Variants in SP3 observed in about 807,000 individuals in gnomAD.
SP3 encodes Sp3 transcription factor.
SP3 carries 10 observed loss-of-function variants against 70.3 expected under a neutral mutation model. That is an observed-to-expected ratio of 0.14 (90% CI 0.09 to 0.24). The LOEUF (loss-of-function observed/expected upper bound fraction) is 0.24. SP3 is among the 10% of genes least tolerant of loss of function. SP3 has a pLI of 1.00. For synonymous variants in SP3, 402 were observed against 333.5 expected, an observed-to-expected ratio of 1.21 and a Z score of -2.24; for missense variants, 825 against 914.6, an observed-to-expected ratio of 0.90 and a Z score of 1.26.
In SP3 at chr2:173,909,982, AAGGTAT is replaced by A. The variant is rs1390515187; in HGVS notation, c.2299_2304del (p.Ile767_Pro768del). ...TTTCCAGAAACTGTGACAAGCTGTA[AAGGTAT>A]TTCAGTGTTGGTAAGGATATCTTGA... On this transcript the variant is annotated inframe_deletion, in exon 7 of 7. Transcript: ENST00000310015. The A allele has an allele frequency of 1.2e-6, 2 of 1,613,946 alleles. No individual in the cohort carries two copies. Among genetic ancestry groups the A allele is most frequent in the Admixed American group, 3.3e-5 (2 of 60,018 alleles).
At position 173,904,496 on chromosome 2, in the gene SP3, T is replaced by C. The variant is rs927954478; in HGVS notation, c.*5445A>G. Among the ~76,000 whole-genome samples the C allele has an allele frequency of 1.3e-5, 2 of 152,178 alleles. No homozygotes were observed. The highest frequency in any genetic ancestry group is 2.9e-5 in the Non-Finnish European group (2 of 68,024). ...GGAGGATGAAATGCAGATAGTGAAA[T>C]GCAAGACACTGGAACAAACACTGCC... On this transcript the variant is annotated 3_prime_UTR_variant, in exon 7 of 7. Transcript: ENST00000310015.
intron 4 of SP3, among the ~76,000 whole-genome samples, chr2:173,930,814 AATAAT>A (rs1182532970): frequency 3.9e-5 from 6 of 152,238 alleles, no homozygotes; most frequent in Admixed American, 3.9e-4. Flanking sequence ...GATAGGCTGT[AATAAT>A]ATAGGTGCTG....
intron 4 of SP3, among the ~76,000 whole-genome samples, chr2:173,942,325 G>A (rs886859707): frequency 2.6e-5 from 4 of 152,186 alleles, no homozygotes; most frequent in Admixed American, 6.5e-5. Flanking sequence ...CAGCACTTTG[G>A]GAGGCCGAGG....
At chr2:173,954,144 C>A (rs1690803950) in intron 4 of SP3, among the ~76,000 whole-genome samples, 1 of 152,164 alleles carries the variant, frequency 6.6e-6, no homozygotes, top group Non-Finnish European at 1.5e-5. Flanking sequence ...ACAAAACATT[C>A]AATCAAATGT....
At position 173,909,703 on chromosome 2, in the gene SP3, G is replaced by A. The variant is rs182692056; in HGVS notation, c.*238C>T. On this transcript the variant is annotated 3_prime_UTR_variant, in exon 7 of 7. Coordinates refer to ENST00000310015, the MANE Select transcript of SP3 (RefSeq NM_003111.5). The stretch of plus-strand genomic sequence containing the variant: ...ATTCAATTTTCTCTTTATATAACTT[G>A]GTAAAATTTCATTTCTTCTAGATTC... The A allele has an allele frequency of 5.5e-6, 2 of 361,860 alleles. No homozygotes were observed. Among genetic ancestry groups the A allele is most frequent in the Admixed American group, 4.4e-5 (1 of 22,842 alleles). The allele number at this position is 361,860 out of a possible 1,614,324, so 22.4% of individuals were successfully genotyped here.
At position 173,913,221 on chromosome 2, in the gene SP3, T is replaced by C. The variant is rs1037217914; in HGVS notation, c.1878A>G (p.Pro626=). ...TCTTCCCATAGACTTTACCACATCC[T>C]GGTATATGACAAATGTGTTGCTTCT... ...GKKKQHICHI[P]GCGKVYGKTS... Residue 626 remains proline, a synonymous_variant, in exon 6 of 7, where the codon CCA becomes CCG. Coordinates refer to ENST00000310015, the MANE Select transcript of SP3 (RefSeq NM_003111.5). 6.2e-7 allele frequency: 1 copy of C among 1,609,174 alleles called. No homozygotes were observed. The highest frequency in any genetic ancestry group is 8.5e-7 in the Non-Finnish European group (1 of 1,177,358).
chr2:173,963,129 TTGC>T (rs1274642363), intron 3 of SP3: 1 of 152,186 alleles, frequency 6.6e-6, no homozygotes, highest in Non-Finnish European at 1.5e-5. Context: ...TCTAAGCAAC[TTGC>T]TGATTTCAAA....
At chr2:173,935,686 C>G (rs938972554) in intron 4 of SP3, among the ~76,000 whole-genome samples, 1 of 152,184 alleles carries the variant, frequency 6.6e-6, no homozygotes, top group African/African-American at 2.4e-5. Flanking sequence ...TCAACTGTGT[C>G]TATCAACCAT....
At chr2:173,931,261 G>C (rs887886705) in intron 4 of SP3, among the ~76,000 whole-genome samples, 5 of 152,188 alleles carry the variant, frequency 3.3e-5, no homozygotes, top group Admixed American at 6.5e-5. Flanking sequence ...AGGCGCGGTG[G>C]TTCACATCTG....
chr2:173,956,402 C>T (rs1216053607), intron 3 of SP3, among the ~76,000 whole-genome samples, 170 bp from the exon 4 acceptor site: 2 of 152,142 alleles, frequency 1.3e-5, no homozygotes, highest in African/African-American at 2.4e-5. Context: ...ATTATCACTT[C>T]CAGTTTTGTT....
At chr2:173,942,967 AGCTTGT>A (rs1190072428) in intron 4 of SP3, among the ~76,000 whole-genome samples, 1 of 152,190 alleles carries the variant, frequency 6.6e-6, no homozygotes, top group Non-Finnish European at 1.5e-5. Flanking sequence ...GATGATTTAA[AGCTTGT>A]GGGAGGATGT....
At chr2:173,922,705 T>C in intron 4 of SP3, among the ~76,000 whole-genome samples, 1 of 152,118 alleles carries the variant, frequency 6.6e-6, no homozygotes, top group East Asian at 1.9e-4. Flanking sequence ...CTGTGTCAAA[T>C]ACTTAAAAAG....
intron 4 of SP3, among the ~76,000 whole-genome samples, chr2:173,920,597 A>T (rs908972586): frequency 1.5e-5 from 2 of 137,844 alleles, no homozygotes; most frequent in East Asian, 1.9e-4. Context: ...CTCTTTAAAA[A>T]TTTATTTATT....
At position 173,927,498 on chromosome 2, in the gene SP3, G is replaced by A. The variant is rs188544875; in HGVS notation, c.1640-8713C>T. Among the ~76,000 whole-genome samples the A allele has an allele frequency of 6.6e-3, 1,004 of 151,908 alleles. 17 individuals carry two copies. The highest frequency in any genetic ancestry group is 0.038 in the East Asian group (195 of 5,158). On this transcript the variant is annotated intron_variant, in intron 4 of 6. Transcript: ENST00000310015. ...TCACCATGTTGGCCAGGCTGGTCTC[G>A]AACTCCTGACCTCAGGTGATCTGCC...
At chr2:173,957,120 TAAAG>T (rs1690920845) in intron 3 of SP3, among the ~76,000 whole-genome samples, 2 of 152,192 alleles carry the variant, frequency 1.3e-5, no homozygotes, top group African/African-American at 4.8e-5. Flanking sequence ...TTAAGTTTCT[TAAAG>T]AAACTCACTA....
At chr2:173,926,747 A>G (rs1689921201) in intron 4 of SP3, among the ~76,000 whole-genome samples, 1 of 152,242 alleles carries the variant, frequency 6.6e-6, no homozygotes, top group South Asian at 2.1e-4. Context: ...TAACTAAGTC[A>G]TTCCAATTGC....
intron 4 of SP3, among the ~76,000 whole-genome samples, chr2:173,928,424 G>A (rs939935612): frequency 4.0e-5 from 6 of 151,830 alleles, no homozygotes; most frequent in Non-Finnish European, 7.4e-5. Flanking sequence ...TGATGTTTCT[G>A]CCACTGCTGC....
intron 4 of SP3, among the ~76,000 whole-genome samples, chr2:173,922,720 G>C (rs1337440539): frequency 2.0e-5 from 3 of 152,080 alleles, no homozygotes; most frequent in Admixed American, 1.3e-4. Flanking sequence ...AAAAAGTCAA[G>C]TAAAATAAAG....
chr2:173,932,565 G>A (rs537128751), intron 4 of SP3, among the ~76,000 whole-genome samples: 17 of 152,262 alleles, frequency 1.1e-4, no homozygotes, highest in African/African-American at 2.6e-4. Context: ...ACGGCTGGTC[G>A]TTGCAACAGT....
Sources: gnomAD v4.1 joint callset for allele counts (sites outside exome capture counted in the v4.1 genomes callset) on GRCh38, gnomAD v4.1.1 for gene constraint, MANE v1.5 for transcripts, NCBI Gene and HGNC (gene_info 2026-07-23, HGNC 2026-07-21) for gene names.